Variants in PPFIA2 observed in about 807,000 individuals in gnomAD.
PPFIA2 encodes the protein liprin-alpha-2.
Under a neutral mutation model 175.5 loss-of-function variants are expected in PPFIA2, and 46 were observed. The ratio of observed to expected loss-of-function variants is 0.26; its 90% CI spans 0.21 to 0.34. The LOEUF is 0.34. Ranked by LOEUF, PPFIA2 falls within the 10% of genes least tolerant of loss-of-function variation. PPFIA2 has a pLI of 1.00. For missense variants in PPFIA2, 1,179 were observed against 1,506.1 expected, an observed-to-expected ratio of 0.78 and a Z score of 3.60; for synonymous variants, 568 against 511.4, an observed-to-expected ratio of 1.11 and a Z score of -1.49.
intron 4 of PPFIA2, among the ~76,000 whole-genome samples, chr12:81,602,793 T>C (rs1006486722): frequency 2.0e-5 from 3 of 151,824 alleles, no homozygotes; most frequent in African/African-American, 7.2e-5. Flanking sequence ...ACAGAACTCC[T>C]TAATTGCGGC....
intron 4 of PPFIA2, among the ~76,000 whole-genome samples, chr12:81,664,302 C>G (rs1293695376): frequency 3.3e-5 from 5 of 151,918 alleles, no homozygotes. Flanking sequence ...TGACAAAGGG[C>G]TAATATCCAG....
Position 81,341,168 on chromosome 12 carries a change from G to A in PPFIA2, c.2303C>T (p.Thr768Ile). ...VEEDGREDKA[T>I]IKCETSPPPT... ...AGGAGGAGAAGTTTCACATTTAATT[G>A]TTGCTTTGTCCTCTCGACCATCTTC... is the stretch of plus-strand genomic sequence containing the variant. Residue 768 changes from threonine to isoleucine, a missense_variant, in exon 20 of 33, where the codon ACA (threonine) becomes ATA (isoleucine). Physicochemically the swap from Thr to Ile is moderately conservative, Grantham distance 89. Around this residue, in one of 10 missense-constraint regions of PPFIA2, gnomAD observed 223 missense variants for 241.6 expected, o/e 0.92. Transcript: ENST00000549396. 1 of 1,612,084 alleles carries A rather than the reference G, an allele frequency of 6.2e-7. No individual in the cohort carries two copies.
At chr12:81,354,278 T>C (rs914650211) in intron 16 of PPFIA2, among the ~76,000 whole-genome samples, 1 of 152,164 alleles carries the variant, frequency 6.6e-6, no homozygotes, top group Non-Finnish European at 1.5e-5. Flanking sequence ...TAACCCAGAG[T>C]AGAACTTCTT....
At chr12:81,302,144 A>C (rs759163679) in intron 22 of PPFIA2, 1 of 407,332 alleles carries the variant, frequency 2.5e-6, no homozygotes, top group South Asian at 1.8e-5. Context: ...GTGTCCTATA[A>C]TGTTTTGTTT....
chr12:81,583,038 C>T (rs1393140166), intron 4 of PPFIA2, among the ~76,000 whole-genome samples: 1 of 151,854 alleles, frequency 6.6e-6, no homozygotes. Flanking sequence ...GAATTCCTTG[C>T]CTCCTTAATA....
chr12:81,559,824 T>TG (rs2069631335), intron 4 of PPFIA2, among the ~76,000 whole-genome samples: 1 of 151,950 alleles, frequency 6.6e-6, no homozygotes. Context: ...TTGTTGTTGT[T>TG]TTTTTGCAAT....
At chr12:81,329,980 G>C (rs2055759292) in intron 21 of PPFIA2, among the ~76,000 whole-genome samples, 1 of 152,190 alleles carries the variant, frequency 6.6e-6, no homozygotes, top group Non-Finnish European at 1.5e-5. Context: ...AAAATGTAGG[G>C]CTTGCGAAGG....
Position 81,396,706 on chromosome 12 carries a change from T to C in PPFIA2, c.762+9081A>G, listed in dbSNP as rs189223464. Among the ~76,000 whole-genome samples the C allele has an allele frequency of 5.3e-5, 8 of 152,212 alleles. No individual in the cohort carries two copies. In the East Asian group the frequency reaches 1.5e-3, roughly 29 times the overall value. Reference sequence around the variant, plus strand: ...TAGAATATATCCATAGACATTTTTTTAAAAATGAAAATGAACAGATTACTC... The same window carrying C: ...TAGAATATATCCATAGACATTTTTTCAAAAATGAAAATGAACAGATTACTC... On this transcript the variant is annotated intron_variant, in intron 8 of 32. Transcript: ENST00000549396.
intron 4 of PPFIA2, among the ~76,000 whole-genome samples, chr12:81,497,658 GC>G (rs547304498): frequency 1.3e-5 from 2 of 148,276 alleles, no homozygotes; most frequent in Non-Finnish European, 3.0e-5. Context: ...TCCTGTCTCA[GC>G]CTCCTGAGTA....
chr12:81,428,951 G>T (rs1004548377), intron 7 of PPFIA2, among the ~76,000 whole-genome samples: 1 of 151,968 alleles, frequency 6.6e-6, no homozygotes. Context: ...GTCATTAAAC[G>T]CATACTGTCA....
At chr12:81,309,802 T>G (rs1256700576) in intron 22 of PPFIA2, among the ~76,000 whole-genome samples, 1 of 152,048 alleles carries the variant, frequency 6.6e-6, no homozygotes, top group Non-Finnish European at 1.5e-5. Context: ...GTAATCTCCT[T>G]CCTTACTGTA....
intron 4 of PPFIA2, among the ~76,000 whole-genome samples, chr12:81,591,776 G>C (rs988358042): frequency 1.3e-5 from 2 of 152,198 alleles, no homozygotes; most frequent in African/African-American, 4.8e-5. Flanking sequence ...AGGATGTATG[G>C]AAATGCCTGG....
At chr12:81,541,879 T>C (rs2066270595) in intron 4 of PPFIA2, among the ~76,000 whole-genome samples, 1 of 152,090 alleles carries the variant, frequency 6.6e-6, no homozygotes, top group Admixed American at 6.6e-5. Flanking sequence ...AGGCTTCTCA[T>C]ATTGGAGTTG....
At chr12:81,687,617 C>A (rs571604658) in intron 3 of PPFIA2, 2 of 152,114 alleles carry the variant, frequency 1.3e-5, no homozygotes, top group African/African-American at 4.8e-5. Context: ...CAAAAATAGA[C>A]AGCTTAGTGA....
intron 4 of PPFIA2, among the ~76,000 whole-genome samples, chr12:81,664,569 A>C (rs1163808065): frequency 6.6e-6 from 1 of 152,080 alleles, no homozygotes; most frequent in East Asian, 1.9e-4. Flanking sequence ...AGAAATAGGA[A>C]CACTTTTACA....
chr12:81,314,164 C>T (rs189888597), intron 22 of PPFIA2, among the ~76,000 whole-genome samples: 70 of 151,720 alleles, frequency 4.6e-4, no homozygotes, highest in African/African-American at 1.6e-3. Context: ...ATGTGTTCTG[C>T]AAAAGACAAA....
chr12:81,265,195 A>G (rs2036863123), intron 30 of PPFIA2, among the ~76,000 whole-genome samples: 1 of 143,826 alleles, frequency 7.0e-6, no homozygotes, highest in African/African-American at 2.6e-5. Flanking sequence ...TGGGAGGCTC[A>G]GGTGGGAGAA....
chr12:81,567,301 G>A (rs1459993100), intron 4 of PPFIA2, among the ~76,000 whole-genome samples: 5 of 152,096 alleles, frequency 3.3e-5, no homozygotes, highest in Non-Finnish European at 7.4e-5. Flanking sequence ...CACCTGCCTC[G>A]GCTTCCCAAA....
At chr12:81,644,722 C>A (rs564146670) in intron 4 of PPFIA2, among the ~76,000 whole-genome samples, 2 of 152,036 alleles carry the variant, frequency 1.3e-5, no homozygotes, top group Admixed American at 6.6e-5. Flanking sequence ...CAAGGTGGTG[C>A]TCTTTATTTA....
Sources: gnomAD v4.1 joint callset for allele counts (sites outside exome capture counted in the v4.1 genomes callset) on GRCh38, gnomAD v4.1.1 for gene constraint, gnomAD v4.1.1 regional missense constraint, MANE v1.5 for transcripts, NCBI Gene and HGNC (gene_info 2026-07-23, HGNC 2026-07-21) for gene names.